Variants in FMO3 observed in about 807,000 individuals in gnomAD.
FMO3 encodes flavin-containing monooxygenase 3.
A neutral mutation model predicts 39.4 loss-of-function variants in FMO3; 40 were observed. The ratio of observed to expected loss-of-function variants is 1.02; its 90% CI spans 0.79 to 1.32. The LOEUF is 1.32. Among genes scored for constraint, FMO3 ranks in the 40% most tolerant of loss-of-function variants. The pLI, the probability that FMO3 is intolerant of heterozygous loss-of-function variation, is 0.00. For missense variants in FMO3, 680 were observed against 651.8 expected, an observed-to-expected ratio of 1.04 and a Z score of -0.47; for synonymous variants, 219 against 228.8, an observed-to-expected ratio of 0.96 and a Z score of 0.39.
intron 3 of FMO3, among the ~76,000 whole-genome samples, chr1:171,104,790 C>G (rs530953682): frequency 6.6e-6 from 1 of 152,166 alleles, no homozygotes; most frequent in South Asian, 2.1e-4. Flanking sequence ...GGGAGGATTG[C>G]TTGAGCTCGG....
At chr1:171,103,697 G>C in intron 2 of FMO3, 88 bp from the exon 3 acceptor site, 1 of 1,087,338 alleles carries the variant, frequency 9.2e-7, no homozygotes, top group South Asian at 1.2e-5. Context: ...GATACCAAGG[G>C]ATGACTGTAA....
chr1:171,096,030 A>AAATATATAATATATATTATATAT (rs1557932978), intron 2 of FMO3, among the ~76,000 whole-genome samples: 3,419 of 58,848 alleles, frequency 0.058, 233 homozygotes, highest in Non-Finnish European at 0.079. Context: ...ATATTAATAT[A>AAATATATAATATATATTATATAT]TAATATATAT....
intron 3 of FMO3, among the ~76,000 whole-genome samples, chr1:171,106,420 G>A (rs1330676519): frequency 7.2e-5 from 11 of 152,228 alleles, no homozygotes; most frequent in East Asian, 3.9e-4. Context: ...GATTACAGGC[G>A]TAAGCCACCA....
intron 2 of FMO3, chr1:171,100,797 A>G (rs549320172): frequency 5.8e-5 from 15 of 258,496 alleles, no homozygotes; most frequent in African/African-American, 3.3e-4. Context: ...CAATTTAACA[A>G]TGCCCCTCCT....
chr1:171,104,799 G>C (rs564143696), intron 3 of FMO3, among the ~76,000 whole-genome samples: 2 of 152,122 alleles, frequency 1.3e-5, no homozygotes, highest in African/African-American at 4.8e-5. Flanking sequence ...GCTTGAGCTC[G>C]GGAGGTAGAG....
intron 2 of FMO3, among the ~76,000 whole-genome samples, chr1:171,096,032 A>AAT (rs1491146190): frequency 8.7e-5 from 6 of 68,998 alleles, no homozygotes; most frequent in African/African-American, 4.5e-4. Context: ...ATTAATATAT[A>AAT]ATATATATTA....
intron 5 of FMO3, among the ~76,000 whole-genome samples, chr1:171,109,831 C>T (rs1259952088): frequency 6.6e-6 from 1 of 152,062 alleles, no homozygotes; most frequent in Non-Finnish European, 1.5e-5. Flanking sequence ...CGTGAGCCAC[C>T]ATGCCCGGAC....
intron 2 of FMO3, among the ~76,000 whole-genome samples, chr1:171,094,922 CTT>C (rs1278558504): frequency 6.6e-6 from 1 of 151,952 alleles, no homozygotes; most frequent in Non-Finnish European, 1.5e-5. Flanking sequence ...GTTATTTGGG[CTT>C]TTTTGGTTCC....
intron 2 of FMO3, chr1:171,101,272 A>G: frequency 2.2e-6 from 1 of 452,668 alleles, no homozygotes; most frequent in Admixed American, 2.4e-5. Flanking sequence ...TAGAACTGTG[A>G]ATCAATTGCT....
intron 7 of FMO3, 100 bp from the exon 8 acceptor site, chr1:171,116,108 C>T: frequency 1.3e-6 from 1 of 756,166 alleles, no homozygotes; most frequent in Admixed American, 1.9e-5. Context: ...AAATGAACAC[C>T]AATTAATGTA....
At chr1:171,099,353 AC>A (rs976130046) in intron 2 of FMO3, among the ~76,000 whole-genome samples, 1 of 151,432 alleles carries the variant, frequency 6.6e-6, no homozygotes, top group African/African-American at 2.4e-5. Context: ...GTGGTGTGAA[AC>A]CCCCCAACAT....
Position 171,103,917 on chromosome 1 carries a change from G to A in FMO3, c.265G>A (p.Glu89Lys), listed in dbSNP as rs1438077823. Residue 89 changes from glutamate to lysine, a missense_variant, in exon 3 of 9, where the codon GAA becomes AAA. Coordinates refer to ENST00000367755, the MANE Select transcript of FMO3 (RefSeq NM_001002294.3). ...CTTTATGCACAACAGCAAGATCCAG[G>A]AATATATCATTGCATTTGCCAAAGA... ...PNFMHNSKIQ[E>K]YIIAFAKEKN... 6 of 1,613,818 alleles carry A rather than the reference G, an allele frequency of 3.7e-6. No homozygotes were observed. The highest frequency in any genetic ancestry group is 3.4e-6 in the Non-Finnish European group (4 of 1,179,866).
chr1:171,102,677 T>G lies in FMO3; in HGVS notation c.133-1108T>G, dbSNP rs1655454755. On this transcript the variant is annotated intron_variant, in intron 2 of 8. Coordinates refer to ENST00000367755, the MANE Select transcript of FMO3 (RefSeq NM_001002294.3). ...TCTGAGAGTGGGACCTAATGCTCAGTGTGTTTTTTAAAGCTCCCAGTTTAT... is the reference window on the plus strand; with the variant it reads ...TCTGAGAGTGGGACCTAATGCTCAGGGTGTTTTTTAAAGCTCCCAGTTTAT... Among the ~76,000 whole-genome samples the G allele has an allele frequency of 2.0e-5, 3 of 152,172 alleles. No individual in the cohort carries two copies. The South Asian group carries it at 6.2e-4, about 31-fold the overall frequency.
intron 3 of FMO3, among the ~76,000 whole-genome samples, chr1:171,106,624 T>C (rs1467573086): frequency 6.6e-6 from 1 of 152,072 alleles, no homozygotes; most frequent in East Asian, 1.9e-4. Context: ...AACAGTGCAG[T>C]AAGTAAAGAA....
intron 2 of FMO3, among the ~76,000 whole-genome samples, chr1:171,099,185 A>G (rs1330178210): frequency 1.3e-5 from 2 of 152,180 alleles, no homozygotes; most frequent in African/African-American, 4.8e-5. Flanking sequence ...AAGGTTGTTC[A>G]GTTTCCACGT....
chr1:171,093,339 A>G, intron 2 of FMO3, among the ~76,000 whole-genome samples: 1 of 152,068 alleles, frequency 6.6e-6, no homozygotes, highest in East Asian at 1.9e-4. Flanking sequence ...ATGTGTATAC[A>G]TTATGTAGCT....
At position 171,117,115 on chromosome 1, in the gene FMO3, G is replaced by A. The variant is rs1229474175; in HGVS notation, c.1272G>A (p.Glu424=). Residue 424 remains glutamate (E), a synonymous_variant, in exon 9 of 9, where the codon GAG becomes GAA. Transcript: ENST00000367755. ...EKKRKWFGKS[E]TIQTDYIVYM... is the part of the protein sequence containing the mutation. ...CCATCTCCAGGTTTGGCAAAAGCGA[G>A]ACCATACAGACAGATTACATTGTTT... The A allele has an allele frequency of 1.2e-6, 2 of 1,613,874 alleles. No individual in the cohort carries two copies. The highest frequency in any genetic ancestry group is 2.2e-5 in the East Asian group (1 of 44,890).
chr1:171,110,886 T>G lies in FMO3; in HGVS notation c.716T>G (p.Phe239Cys), dbSNP rs1655877772. ...YPWDMLLVTR[F>C]GTFLKNNLPT... ...TGGGACATGCTGCTCGTCACTCGAT[T>G]TGGAACCTTCCTCAAGAACAATTTA... is the stretch of plus-strand genomic sequence containing the variant. The change falls in exon 6 of 9, where the codon TTT becomes TGT. Residue 239 changes from phenylalanine (F) to cysteine (C), a missense_variant. Phe to Cys is a radical substitution (Grantham distance 205). Coordinates refer to ENST00000367755, the MANE Select transcript of FMO3 (RefSeq NM_001002294.3). 1.2e-6 allele frequency: 2 copies of G among 1,614,028 alleles called. No individual in the cohort carries two copies. The highest frequency in any genetic ancestry group is 2.7e-5 in the African/African-American group (2 of 75,030).
chr1:171,092,583 A>G, intron 1 of FMO3, 70 bp from the exon 2 acceptor site: 1 of 1,568,184 alleles, frequency 6.4e-7, no homozygotes, highest in African/African-American at 1.3e-5. Context: ...AAATCAAAAT[A>G]AATAGATAAA....
Sources: allele counts gnomAD v4.1 joint callset (sites outside exome capture counted in the v4.1 genomes callset), GRCh38; gene constraint gnomAD v4.1.1; transcripts MANE v1.5; gene names NCBI Gene and HGNC (gene_info 2026-07-23, HGNC 2026-07-21).